The following NKAIN3 variants were observed in gnomAD, a reference collection of about 807,000 sequenced individuals.
The protein encoded by NKAIN3 is sodium/potassium transporting ATPase interacting 3.
A neutral mutation model predicts 30.2 loss-of-function variants in NKAIN3; 25 were observed. That is an observed-to-expected ratio of 0.83 (90% CI 0.60 to 1.16). NKAIN3 has a LOEUF of 1.16. NKAIN3 is among the 50% of genes most tolerant of loss of function. The pLI is 0.00. For synonymous variants in NKAIN3, 91 were observed against 89.6 expected (o/e 1.02, Z -0.09); for missense variants, 225 against 254.1 (o/e 0.89, Z 0.78).
intron 1 of NKAIN3, among the ~76,000 whole-genome samples, chr8:62,257,036 T>C (rs1482237255): frequency 6.6e-6 from 1 of 152,198 alleles, no homozygotes; most frequent in Admixed American, 6.5e-5. Flanking sequence ...ATGCATAAAA[T>C]GTGGAATAAA....
At chr8:62,465,049 A>T (rs1390327317) in intron 1 of NKAIN3, among the ~76,000 whole-genome samples, 1 of 152,138 alleles carries the variant, frequency 6.6e-6, no homozygotes, top group Non-Finnish European at 1.5e-5. Context: ...TAAATATCGC[A>T]TTTCCAACTC....
chr8:62,258,679 A>G (rs1323854614), intron 1 of NKAIN3, among the ~76,000 whole-genome samples: 1 of 151,616 alleles, frequency 6.6e-6, no homozygotes, highest in Non-Finnish European at 1.5e-5. Flanking sequence ...AAAAGAAAAA[A>G]AGAATAAGGT....
At position 62,579,560 on chromosome 8, in the gene NKAIN3, A is replaced by C. The variant is rs1476443641; in HGVS notation, c.76A>C (p.Ile26Leu). ...GTAGGTCTCAGCATTAGAGAGGCAG[A>C]TCTTTGACTTCCTTGGTTTCCAGTG... ...LQLVSALERQ[I>L]FDFLGFQWAP... Residue 26 changes from isoleucine to leucine, a missense_variant, in exon 2 of 7, where the codon ATC (isoleucine) becomes CTC (leucine). By Grantham distance (5) the Ile-to-Leu change is conservative (BLOSUM62 2). Coordinates refer to ENST00000623646, the MANE Select transcript of NKAIN3 (RefSeq NM_001304533.3). 1.2e-6 allele frequency: 2 copies of C among 1,609,656 alleles called. No homozygotes were observed. The highest frequency in any genetic ancestry group is 1.7e-5 in the Admixed American group (1 of 59,416).
At chr8:62,520,611 C>T in intron 1 of NKAIN3, among the ~76,000 whole-genome samples, 1 of 152,076 alleles carries the variant, frequency 6.6e-6, no homozygotes, top group African/African-American at 2.4e-5. Flanking sequence ...GATTCACAAG[C>T]TCAAGTTGTT....
rs1177539386 is a variant in NKAIN3, at chr8:62,971,440, CAGCCTG to C, written c.*6037_*6042del. 2.0e-5 allele frequency among the ~76,000 whole-genome samples: 3 copies of C among 151,382 alleles called. No individual in the cohort carries two copies. Among genetic ancestry groups the C allele is most frequent in the Non-Finnish European group, 4.4e-5 (3 of 67,634 alleles). ...TCACTTGAGCTTACGAGTTCGAGAC[CAGCCTG>C]AGCAACATGGCAAAACCCCATACCT... On this transcript the variant is annotated 3_prime_UTR_variant, in exon 7 of 7. Coordinates refer to ENST00000623646, the MANE Select transcript of NKAIN3 (RefSeq NM_001304533.3).
At position 62,700,952 on chromosome 8, in the gene NKAIN3, A is replaced by T. The variant is rs543745568; in HGVS notation, c.274-45980A>T. On this transcript the variant is annotated intron_variant, in intron 3 of 6. Coordinates refer to ENST00000623646, the MANE Select transcript of NKAIN3 (RefSeq NM_001304533.3). Reference sequence around the variant, plus strand: ...TCTTGGCCAGAAACAAATTATTTCTAAATATTATGTTTGCATTTTGATCCT... The same window carrying T: ...TCTTGGCCAGAAACAAATTATTTCTTAATATTATGTTTGCATTTTGATCCT... Among the ~76,000 whole-genome samples, 61 of 152,342 alleles carry T rather than the reference A, an allele frequency of 4.0e-4. No individual in the cohort carries two copies. In the South Asian group the frequency reaches 0.012, roughly 31 times the overall value.
At chr8:62,930,774 G>C (rs922907679) in intron 5 of NKAIN3, among the ~76,000 whole-genome samples, 7 of 151,588 alleles carry the variant, frequency 4.6e-5, no homozygotes, top group Non-Finnish European at 8.8e-5. Context: ...CGCGATCTCG[G>C]CTCACTGCAT....
intron 1 of NKAIN3, among the ~76,000 whole-genome samples, chr8:62,296,755 T>A (rs1033909872): frequency 6.6e-6 from 1 of 152,316 alleles, no homozygotes; most frequent in East Asian, 1.9e-4. Context: ...CCAGGATTCC[T>A]ATCTCTAGCC....
intron 1 of NKAIN3, among the ~76,000 whole-genome samples, chr8:62,499,315 C>G (rs1807342548): frequency 6.6e-6 from 1 of 151,970 alleles, no homozygotes; most frequent in Admixed American, 6.6e-5. Context: ...TGAATGATTC[C>G]CAAAACCAAC....
rs539834253 is a variant in NKAIN3, at chr8:62,970,998, T to C, written c.*5591T>C. ...AATAACATAGAGGTCTATTTCTCTTTTTATTTCGAAATTCTGGAGACAGTC... is the reference window on the plus strand; with the variant it reads ...AATAACATAGAGGTCTATTTCTCTTCTTATTTCGAAATTCTGGAGACAGTC... On this transcript the variant is annotated 3_prime_UTR_variant, in exon 7 of 7. Coordinates refer to ENST00000623646, the MANE Select transcript of NKAIN3 (RefSeq NM_001304533.3). Among the ~76,000 whole-genome samples the C allele has an allele frequency of 6.6e-6, 1 of 152,338 alleles. No homozygotes were observed. Among genetic ancestry groups the C allele is most frequent in the African/African-American group, 2.4e-5 (1 of 41,578 alleles).
At chr8:62,813,971 G>C (rs533335989) in intron 4 of NKAIN3, among the ~76,000 whole-genome samples, 6 of 151,958 alleles carry the variant, frequency 3.9e-5, no homozygotes, top group African/African-American at 1.4e-4. Context: ...ATCTCATTCT[G>C]TCCAGGTCTG....
intron 1 of NKAIN3, among the ~76,000 whole-genome samples, chr8:62,406,676 C>T (rs888536935): frequency 2.6e-5 from 4 of 152,190 alleles, no homozygotes; most frequent in East Asian, 1.9e-4. Flanking sequence ...ATTTAGACCT[C>T]AAAATATATT....
intron 1 of NKAIN3, among the ~76,000 whole-genome samples, chr8:62,542,240 T>G (rs1056937232): frequency 2.0e-5 from 3 of 152,174 alleles, no homozygotes; most frequent in African/African-American, 7.2e-5. Context: ...TTACTCCCAA[T>G]TAGCTTTGGT....
At chr8:62,605,152 T>G (rs942142410) in intron 3 of NKAIN3, among the ~76,000 whole-genome samples, 3 of 152,142 alleles carry the variant, frequency 2.0e-5, no homozygotes, top group Non-Finnish European at 2.9e-5. Context: ...GTTCTTGCAT[T>G]TCTTCTGTGG....
rs2130913353 is a variant in NKAIN3, at chr8:62,970,312, A to C, written c.*4905A>C. ...CTCAAAAAAATGGAATTATCAAAAAATTCAAAAGTTATGGGTAGCATCTCT... is the reference window on the plus strand; with the variant it reads ...CTCAAAAAAATGGAATTATCAAAAACTTCAAAAGTTATGGGTAGCATCTCT... On this transcript the variant is annotated 3_prime_UTR_variant, in exon 7 of 7. Coordinates refer to ENST00000623646, the MANE Select transcript of NKAIN3 (RefSeq NM_001304533.3). 6.6e-6 allele frequency among the ~76,000 whole-genome samples: 1 copy of C among 152,278 alleles called. No individual in the cohort carries two copies. The highest frequency in any genetic ancestry group is 3.4e-3 in the Middle Eastern group (1 of 294).
At chr8:62,804,370 T>C (rs1818194314) in intron 4 of NKAIN3, among the ~76,000 whole-genome samples, 1 of 152,078 alleles carries the variant, frequency 6.6e-6, no homozygotes, top group South Asian at 2.1e-4. Context: ...TAGACCAATA[T>C]CCTTGATGAA....
At chr8:62,803,224 G>T (rs1440967971) in intron 4 of NKAIN3, among the ~76,000 whole-genome samples, 1 of 152,012 alleles carries the variant, frequency 6.6e-6, no homozygotes, top group Non-Finnish European at 1.5e-5. Flanking sequence ...AAGTTAGCAA[G>T]GATACCCAGG....
rs117489135 is a variant in NKAIN3 at position 62,800,007 on chromosome 8, G to A, written c.471+52878G>A. Among the ~76,000 whole-genome samples the A allele has an allele frequency of 2.8e-4, 42 of 152,218 alleles. No homozygotes were observed. The East Asian group carries it at 5.8e-3, about 21-fold the overall frequency. ...TGAGTTGGAGCTAAGATATGAGGACGCAATGCATAAGAATGATACAATGGA... is the reference window on the plus strand; with the variant it reads ...TGAGTTGGAGCTAAGATATGAGGACACAATGCATAAGAATGATACAATGGA... On this transcript the variant is annotated intron_variant, in intron 4 of 6. Coordinates refer to ENST00000623646, the MANE Select transcript of NKAIN3 (RefSeq NM_001304533.3).
chr8:62,748,772 A>T (rs1816170379), intron 4 of NKAIN3, among the ~76,000 whole-genome samples: 1 of 152,204 alleles, frequency 6.6e-6, no homozygotes, highest in Admixed American at 6.5e-5. Context: ...TTGCACCTTG[A>T]TGGGAAGGAA....
Sources: gnomAD v4.1 joint callset for allele counts (sites outside exome capture counted in the v4.1 genomes callset) on GRCh38, gnomAD v4.1.1 for gene constraint, MANE v1.5 for transcripts, NCBI Gene and HGNC (gene_info 2026-07-23, HGNC 2026-07-21) for gene names.